PPFIA2: variants seen among roughly 807,000 people sequenced by gnomAD.
PPFIA2 encodes the protein liprin-alpha-2.
PPFIA2 carries 46 observed loss-of-function variants against 175.5 expected under a neutral mutation model. The ratio of observed to expected loss-of-function variants is 0.26; its 90% CI spans 0.21 to 0.34. The LOEUF (loss-of-function observed/expected upper bound fraction) is 0.34. Among genes scored for constraint, PPFIA2 ranks in the 10% least tolerant of loss-of-function variants. PPFIA2 has a pLI of 1.00. For synonymous variants in PPFIA2, 568 were observed against 511.4 expected (o/e 1.11, Z -1.49); for missense variants, 1,179 against 1,506.1 (o/e 0.78, Z 3.60).
chr12:81,377,956 T>A (rs2141812234), intron 9 of PPFIA2: 1 of 152,284 alleles, frequency 6.6e-6, no homozygotes, highest in South Asian at 2.1e-4. Context: ...AGGATTAGGA[T>A]AGGCCCTAAA....
chr12:81,384,730 A>G (rs2038543164), intron 8 of PPFIA2, among the ~76,000 whole-genome samples: 1 of 152,162 alleles, frequency 6.6e-6, no homozygotes, highest in African/African-American at 2.4e-5. Context: ...ATAACTTACC[A>G]AATATTTTTT....
chr12:81,332,891 T>G (rs1331756660), intron 21 of PPFIA2, among the ~76,000 whole-genome samples: 1 of 152,240 alleles, frequency 6.6e-6, no homozygotes. Context: ...ACATATCTTC[T>G]AGAATCTTTA....
At chr12:81,507,089 T>C (rs1037176279) in intron 4 of PPFIA2, among the ~76,000 whole-genome samples, 4 of 152,190 alleles carry the variant, frequency 2.6e-5, no homozygotes, top group Non-Finnish European at 5.9e-5. Flanking sequence ...TTTTTTTCTA[T>C]GGTTCAGATG....
chr12:81,281,838 A>G (rs1194937104), intron 26 of PPFIA2, among the ~76,000 whole-genome samples: 2 of 152,042 alleles, frequency 1.3e-5, no homozygotes, highest in Non-Finnish European at 2.9e-5. Flanking sequence ...CCACTTATCA[A>G]TGCCACTACT....
intron 3 of PPFIA2, among the ~76,000 whole-genome samples, chr12:81,694,511 A>G (rs1187515924): frequency 6.6e-6 from 1 of 152,204 alleles, no homozygotes; most frequent in African/African-American, 2.4e-5. Flanking sequence ...TGTACAGAGT[A>G]CAGGAGTGAA....
chr12:81,721,715 CT>C, intron 3 of PPFIA2, among the ~76,000 whole-genome samples: 1 of 151,228 alleles, frequency 6.6e-6, no homozygotes, highest in East Asian at 2.0e-4. Flanking sequence ...GCAACTCAAC[CT>C]TTTTTGTCAT....
chr12:81,725,199 T>A (rs2079902169), intron 3 of PPFIA2, among the ~76,000 whole-genome samples: 1 of 150,948 alleles, frequency 6.6e-6, no homozygotes, highest in African/African-American at 2.4e-5. Context: ...AAAACTTACA[T>A]AATAAGATTA....
chr12:81,711,895 G>A (rs1482025205), intron 3 of PPFIA2, among the ~76,000 whole-genome samples: 1 of 149,228 alleles, frequency 6.7e-6, no homozygotes, highest in African/African-American at 2.5e-5. Context: ...AAACTCTACT[G>A]TAAGTGCTCA....
At chr12:81,675,471 A>T (rs961436464) in intron 4 of PPFIA2, 1 of 152,054 alleles carries the variant, frequency 6.6e-6, no homozygotes, top group Non-Finnish European at 1.5e-5. Context: ...AATGGATAAG[A>T]TCTTTATCAG....
intron 4 of PPFIA2, among the ~76,000 whole-genome samples, chr12:81,549,280 C>T (rs548237659): frequency 6.6e-6 from 1 of 152,060 alleles, no homozygotes; most frequent in Non-Finnish European, 1.5e-5. Context: ...GGAAAGATAT[C>T]AGTCACTATT....
chr12:81,474,172 G>T (rs1275751266), intron 4 of PPFIA2, among the ~76,000 whole-genome samples: 1 of 151,714 alleles, frequency 6.6e-6, no homozygotes, highest in African/African-American at 2.4e-5. Flanking sequence ...AATTTGTTTT[G>T]AGATACAGTC....
At chr12:81,417,803 A>T (rs1203098159) in intron 7 of PPFIA2, among the ~76,000 whole-genome samples, 1 of 151,786 alleles carries the variant, frequency 6.6e-6, no homozygotes, top group African/African-American at 2.4e-5. Flanking sequence ...TACTATTATG[A>T]ATAAAGAAAA....
At chr12:81,634,199 G>T (rs2063727610) in intron 4 of PPFIA2, among the ~76,000 whole-genome samples, 1 of 152,030 alleles carries the variant, frequency 6.6e-6, no homozygotes, top group Middle Eastern at 3.2e-3. Flanking sequence ...TTAGTTTGAA[G>T]GTTGGCATCT....
chr12:81,293,606 C>T (rs1357734471), intron 24 of PPFIA2, among the ~76,000 whole-genome samples: 1 of 151,556 alleles, frequency 6.6e-6, no homozygotes, highest in African/African-American at 2.4e-5. Context: ...CCACCTCAGT[C>T]AGAATGGCTA....
At chr12:81,286,071 C>T (rs960201319) in intron 24 of PPFIA2, among the ~76,000 whole-genome samples, 7 of 151,488 alleles carry the variant, frequency 4.6e-5, no homozygotes, top group Admixed American at 6.6e-5. Context: ...TAGTTTGTAA[C>T]GAAAAAGCTT....
At chr12:81,531,474 T>C (rs1213184068) in intron 4 of PPFIA2, among the ~76,000 whole-genome samples, 3 of 151,578 alleles carry the variant, frequency 2.0e-5, no homozygotes, top group Non-Finnish European at 4.4e-5. Context: ...AATTAAAGCT[T>C]ACGTGGAATG....
intron 4 of PPFIA2, among the ~76,000 whole-genome samples, chr12:81,501,923 G>A (rs956905205): frequency 6.6e-6 from 1 of 152,080 alleles, no homozygotes; most frequent in African/African-American, 2.4e-5. Context: ...ATATTAATGT[G>A]GCTTTGAAGA....
chr12:81,593,140 A>G (rs534982015), intron 4 of PPFIA2, among the ~76,000 whole-genome samples: 5 of 152,286 alleles, frequency 3.3e-5, no homozygotes, highest in African/African-American at 1.2e-4. Context: ...TGCTAATCCT[A>G]TCTGCCAAGT....
At chr12:81,366,800 C>T (rs2033599805) in intron 14 of PPFIA2, among the ~76,000 whole-genome samples, 1 of 151,628 alleles carries the variant, frequency 6.6e-6, no homozygotes, top group Non-Finnish European at 1.5e-5. Flanking sequence ...AGGCATAAAG[C>T]AAGGCAAAAC....
Sources: gnomAD v4.1 joint callset for allele counts (sites outside exome capture counted in the v4.1 genomes callset) on GRCh38, gnomAD v4.1.1 for gene constraint, MANE v1.5 for transcripts, NCBI Gene and HGNC (gene_info 2026-07-23, HGNC 2026-07-21) for gene names.